ARID1B: variants seen among roughly 807,000 people sequenced by gnomAD.
ARID1B encodes the protein AT-rich interactive domain-containing protein 1B.
In ARID1B, 30 loss-of-function variants were observed where a neutral mutation model predicts 212.3. That is an observed-to-expected ratio of 0.14 (90% CI 0.11 to 0.19). ARID1B has a LOEUF of 0.19. Among genes scored for constraint, ARID1B ranks in the 10% least tolerant of loss-of-function variants. The pLI, the probability that ARID1B is intolerant of heterozygous loss-of-function variation, is 1.00. For missense variants in ARID1B, 2,891 were observed against 3,204.0 expected, an observed-to-expected ratio of 0.90 and a Z score of 2.36; for synonymous variants, 1,402 against 1,301.7, an observed-to-expected ratio of 1.08 and a Z score of -1.66.
intron 16 of ARID1B, among the ~76,000 whole-genome samples, chr6:157,196,561 G>A (rs993445089): frequency 4.6e-5 from 7 of 152,158 alleles, no homozygotes; most frequent in Non-Finnish European, 1.0e-4. Flanking sequence ...CCGAAGTCAA[G>A]AGCCAGGGCC....
chr6:156,788,061 C>T (rs1443594266), intron 1 of ARID1B, among the ~76,000 whole-genome samples: 1 of 152,048 alleles, frequency 6.6e-6, no homozygotes, highest in East Asian at 1.9e-4. Flanking sequence ...TCTGCCTGGT[C>T]CTGCTGTACT....
At chr6:156,961,932 A>G (rs760667871) in intron 4 of ARID1B, among the ~76,000 whole-genome samples, 12 of 152,048 alleles carry the variant, frequency 7.9e-5, no homozygotes, top group East Asian at 1.9e-4. Context: ...CACTGACCCT[A>G]TTTTTACTAG....
intron 4 of ARID1B, among the ~76,000 whole-genome samples, chr6:156,967,057 TTTC>T (rs1346630613): frequency 2.0e-5 from 3 of 152,200 alleles, no homozygotes; most frequent in African/African-American, 4.8e-5. Context: ...CTCAGCCCAT[TTTC>T]TTCTTCTCAA....
upstream of ARID1B, among the ~76,000 whole-genome samples, chr6:156,776,061 C>T (rs2114939469): frequency 6.6e-6 from 1 of 150,834 alleles, no homozygotes; most frequent in African/African-American, 2.4e-5. Flanking sequence ...TGGAAATGAA[C>T]TAAAATAGTT....
At position 156,916,234 on chromosome 6, in the gene ARID1B, C is replaced by T. The variant is rs190924805; in HGVS notation, c.2136+14709C>T. Among the ~76,000 whole-genome samples, 331 of 152,234 alleles carry T rather than the reference C, an allele frequency of 2.2e-3. 1 individual carries two copies. Among genetic ancestry groups the T allele is most frequent in the Middle Eastern group, 6.8e-3 (2 of 294 alleles). ...TGCTGACACTGCGGCTCCATGAATT[C>T]CACAACTTCTTGTTGTTTACATTTT... On this transcript the variant is annotated intron_variant, in intron 3 of 19. Coordinates refer to ENST00000636930, the MANE Select transcript of ARID1B (RefSeq NM_001374828.1).
chr6:157,019,314 A>G (rs1780087005), intron 4 of ARID1B, among the ~76,000 whole-genome samples: 1 of 152,184 alleles, frequency 6.6e-6, no homozygotes, highest in South Asian at 2.1e-4. Context: ...AATGGAGGCT[A>G]GTCTGTATTT....
In ARID1B at chr6:157,073,691, T is replaced by A. The variant is rs544519892; in HGVS notation, c.2248-10971T>A. 3.9e-5 allele frequency among the ~76,000 whole-genome samples: 6 copies of A among 152,224 alleles called. No homozygotes were observed. In the South Asian group the frequency reaches 6.2e-4, roughly 16 times the overall value. On this transcript the variant is annotated intron_variant, in intron 4 of 19. Coordinates refer to ENST00000636930, the MANE Select transcript of ARID1B (RefSeq NM_001374828.1). ...TTCTCAGTGAACTTAGGTAACTTGC[T>A]TAAGGTTAGGTGAAGAAATGATTGC...
chr6:157,110,416 T>C, intron 5 of ARID1B, 56 bp from the exon 6 acceptor site: 1 of 1,509,588 alleles, frequency 6.6e-7, no homozygotes, highest in Non-Finnish European at 9.2e-7. Flanking sequence ...TTTGCATGAC[T>C]GCATTATTAA....
chr6:157,104,090 C>T (rs566770387), intron 5 of ARID1B, among the ~76,000 whole-genome samples: 57 of 151,988 alleles, frequency 3.8e-4, no homozygotes, highest in Non-Finnish European at 7.2e-4. Context: ...CCGCCTTGGC[C>T]TCCCAAAGTG....
chr6:157,171,399 G>A (rs935462258), intron 9 of ARID1B, among the ~76,000 whole-genome samples: 4 of 152,314 alleles, frequency 2.6e-5, no homozygotes, highest in South Asian at 2.1e-4. Context: ...TGTAATAGTC[G>A]TGGTCCTTCT....
chr6:157,024,600 T>TA (rs952886378), intron 4 of ARID1B: 2 of 151,978 alleles, frequency 1.3e-5, no homozygotes, highest in Non-Finnish European at 2.9e-5. Context: ...CATCTCTACT[T>TA]AAAAAACAAA....
chr6:157,028,845 A>G (rs961750973), intron 4 of ARID1B, among the ~76,000 whole-genome samples: 1 of 152,246 alleles, frequency 6.6e-6, no homozygotes, highest in African/African-American at 2.4e-5. Context: ...GCCCTGTAGC[A>G]TAGGCAGATA....
intron 1 of ARID1B, among the ~76,000 whole-genome samples, chr6:156,792,528 A>G (rs760336880): frequency 1.3e-5 from 2 of 152,240 alleles, no homozygotes; most frequent in Non-Finnish European, 1.5e-5. Flanking sequence ...TTGCCTTGTT[A>G]ATAAACATAC....
intron 2 of ARID1B, among the ~76,000 whole-genome samples, chr6:156,856,694 TCTCTCTCACACACACACACACACA>T: frequency 1.2e-5 from 1 of 83,392 alleles, no homozygotes; most frequent in African/African-American, 4.7e-5. Flanking sequence ...TCTCTCTCTC[TCTCTCTCACACACACACACACACA>T]CACACACACA....
In ARID1B at chr6:156,778,030, T is replaced by TGTCCTC; in HGVS notation, c.351_356dup (p.Ser123_Ser124dup). 6.5e-7 allele frequency: 1 copy of TGTCCTC among 1,533,766 alleles called. No homozygotes were observed. The highest frequency in any genetic ancestry group is 1.4e-5 in the African/African-American group (1 of 72,364). The stretch of plus-strand genomic sequence containing the variant: ...AAGGAGGGTGGAAGCGCCGCCGCGC[T>TGTCCTC]GTCCTCCTCCTCCTCCTCCTCCGCG... On this transcript the variant is annotated inframe_insertion, in exon 1 of 20. Coordinates refer to ENST00000636930, the MANE Select transcript of ARID1B (RefSeq NM_001374828.1).
intron 4 of ARID1B, chr6:157,023,413 A>G (rs1780450893): frequency 6.6e-6 from 1 of 152,230 alleles, no homozygotes; most frequent in Non-Finnish European, 1.5e-5. Flanking sequence ...TTTATGGAAA[A>G]GCTTAATTTT....
At chr6:156,971,637 G>A (rs976244970) in intron 4 of ARID1B, among the ~76,000 whole-genome samples, 4 of 152,136 alleles carry the variant, frequency 2.6e-5, no homozygotes, top group Admixed American at 6.6e-5. Context: ...GGCTGATATC[G>A]GGGTGTCAGC....
intron 11 of ARID1B, among the ~76,000 whole-genome samples, chr6:157,180,605 C>G (rs1460298978): frequency 6.6e-6 from 1 of 152,144 alleles, no homozygotes; most frequent in African/African-American, 2.4e-5. Context: ...TTTTAATTCA[C>G]TATGATCATT....
intron 4 of ARID1B, chr6:156,937,490 G>A (rs948188027): frequency 2.6e-5 from 4 of 152,136 alleles, no homozygotes; most frequent in Non-Finnish European, 5.9e-5. Context: ...AATAGTTTGT[G>A]GTAAACTGCT....
Sources: gnomAD v4.1 joint callset for allele counts (sites outside exome capture counted in the v4.1 genomes callset) on GRCh38, gnomAD v4.1.1 for gene constraint, MANE v1.5 for transcripts, NCBI Gene and HGNC (gene_info 2026-07-23, HGNC 2026-07-21) for gene names.